Variants in RAB31 observed in about 807,000 individuals in gnomAD.
RAB31 encodes RAB31, member RAS oncogene family, also known as ras-related protein Rab-31.
In RAB31, 21 loss-of-function variants were observed where a neutral mutation model predicts 25.6. The observed-to-expected ratio is 0.82, with a 90% confidence interval of 0.58 to 1.18. The LOEUF (loss-of-function observed/expected upper bound fraction) is 1.18, where lower values mean the gene tolerates loss of function less well. Ranked by LOEUF, RAB31 falls within the 50% of genes most tolerant of loss-of-function variation. The pLI is 0.00. For synonymous variants in RAB31, 87 were observed against 84.0 expected (o/e 1.04, Z -0.20); for missense variants, 196 against 250.1 (o/e 0.78, Z 1.46).
chr18:9,775,600 C>T (rs145851342), intron 2 of RAB31, among the ~76,000 whole-genome samples: 17 of 151,862 alleles, frequency 1.1e-4, no homozygotes, highest in Non-Finnish European at 1.8e-4. Flanking sequence ...AAGGTCATTT[C>T]CTTGATCTCT....
chr18:9,788,718 C>A (rs1041005257), intron 2 of RAB31, among the ~76,000 whole-genome samples: 1 of 152,216 alleles, frequency 6.6e-6, no homozygotes, highest in Middle Eastern at 3.2e-3. Context: ...GTAATCCCAG[C>A]ACTTTGGGAG....
chr18:9,781,630 C>G (rs1479954637), intron 2 of RAB31, among the ~76,000 whole-genome samples: 1 of 152,210 alleles, frequency 6.6e-6, no homozygotes, highest in Admixed American at 6.5e-5. Flanking sequence ...CTACCTCGTC[C>G]CTTGCTTTTC....
rs372117235 is a variant in RAB31, at chr18:9,854,013, C to T, written c.491-5215C>T. ...TTCCAGGATACATATGCAGAACATG[C>T]GGGTTTGTTACACAGGTATACATAT... On this transcript the variant is annotated intron_variant, in intron 6 of 6. Coordinates refer to ENST00000578921, the MANE Select transcript of RAB31 (RefSeq NM_006868.4). Among the ~76,000 whole-genome samples the T allele has an allele frequency of 1.1e-4, 16 of 141,244 alleles. No individual in the cohort carries two copies. In the East Asian group the frequency reaches 1.5e-3, roughly 13 times the overall value. 92.7% of individuals were successfully genotyped at this position (141,244 alleles called of 152,430 possible).
chr18:9,851,150 G>A (rs2068787488), intron 6 of RAB31, among the ~76,000 whole-genome samples: 1 of 152,126 alleles, frequency 6.6e-6, no homozygotes, highest in Non-Finnish European at 1.5e-5. Context: ...AAGGAACAAG[G>A]AAAGGACAAA....
At chr18:9,836,430 G>A (rs1396148863) in intron 5 of RAB31, among the ~76,000 whole-genome samples, 8 of 152,124 alleles carry the variant, frequency 5.3e-5, no homozygotes, top group Middle Eastern at 3.2e-3. Flanking sequence ...CCTGAGCAGT[G>A]TATATTTTAT....
chr18:9,782,499 C>T (rs1358370896), intron 2 of RAB31, among the ~76,000 whole-genome samples: 1 of 152,230 alleles, frequency 6.6e-6, no homozygotes, highest in African/African-American at 2.4e-5. Context: ...CTCTGCTATT[C>T]AAGCAGATTG....
At chr18:9,854,549 C>T (rs2068805978) in intron 6 of RAB31, among the ~76,000 whole-genome samples, 1 of 152,344 alleles carries the variant, frequency 6.6e-6, no homozygotes, top group African/African-American at 2.4e-5. Flanking sequence ...CTGACCTGGG[C>T]TTTCCAGGCC....
At chr18:9,852,112 A>G (rs2068792172) in intron 6 of RAB31, among the ~76,000 whole-genome samples, 1 of 152,180 alleles carries the variant, frequency 6.6e-6, no homozygotes, top group Non-Finnish European at 1.5e-5. Flanking sequence ...TTTCAAACAT[A>G]TACACAAGTG....
At chr18:9,770,706 C>A (rs1050406406) in intron 1 of RAB31, among the ~76,000 whole-genome samples, 4 of 152,136 alleles carry the variant, frequency 2.6e-5, no homozygotes, top group African/African-American at 9.7e-5. Flanking sequence ...CTAATGTCTC[C>A]CCGGCAGTCA....
intron 2 of RAB31, among the ~76,000 whole-genome samples, chr18:9,784,501 A>G (rs1409528397): frequency 6.6e-6 from 1 of 152,124 alleles, no homozygotes; most frequent in African/African-American, 2.4e-5. Context: ...TATGATCTTC[A>G]GTCATTTTAG....
chr18:9,774,340 T>G (rs2068361055), intron 1 of RAB31, among the ~76,000 whole-genome samples: 1 of 152,040 alleles, frequency 6.6e-6, no homozygotes, highest in Non-Finnish European at 1.5e-5. Flanking sequence ...TCCTGGAGAG[T>G]AAAGCTCTGA....
At chr18:9,778,465 T>C (rs2145492628) in intron 2 of RAB31, among the ~76,000 whole-genome samples, 1 of 152,226 alleles carries the variant, frequency 6.6e-6, no homozygotes, top group South Asian at 2.1e-4. Context: ...CCTATAACTT[T>C]TTGTTTTTTT....
At chr18:9,710,123 T>G (rs1338923831) in intron 1 of RAB31, among the ~76,000 whole-genome samples, 1 of 152,236 alleles carries the variant, frequency 6.6e-6, no homozygotes, top group South Asian at 2.1e-4. Context: ...CAGGTCTCTA[T>G]GTCCTCCTAC....
rs568854659 is a variant in RAB31 at position 9,807,278 on chromosome 18, CCA to C, written c.202-6737_202-6736del. On this transcript the variant is annotated intron_variant, in intron 3 of 6. Coordinates refer to ENST00000578921, the MANE Select transcript of RAB31 (RefSeq NM_006868.4). ...AGGGCTGTGCAGCGAAGATACTGTCCCACACAGTGGGCTCTTGTCTTGAACAT... is the reference window on the plus strand; with the variant it reads ...AGGGCTGTGCAGCGAAGATACTGTCCCACAGTGGGCTCTTGTCTTGAACAT... 5.6e-3 allele frequency among the ~76,000 whole-genome samples: 847 copies of C among 152,308 alleles called. 7 individuals carry two copies. The highest frequency in any genetic ancestry group is 0.02 in the African/African-American group (817 of 41,574).
At chr18:9,775,423 T>C in intron 2 of RAB31, 66 bp downstream of exon 2, 2 of 1,601,826 alleles carry the variant, frequency 1.2e-6, no homozygotes, top group Non-Finnish European at 1.7e-6. Flanking sequence ...GACCACTCTG[T>C]CTGTGCCTGA....
intron 4 of RAB31, 26 bp downstream of exon 4, chr18:9,814,117 G>A: frequency 6.7e-7 from 1 of 1,498,696 alleles, no homozygotes; most frequent in Non-Finnish European, 9.2e-7. Flanking sequence ...TCAGAATTTA[G>A]ATGTCATTTA....
At chr18:9,809,681 GC>G (rs2143067577) in intron 3 of RAB31, among the ~76,000 whole-genome samples, 1 of 152,256 alleles carries the variant, frequency 6.6e-6, no homozygotes, top group East Asian at 1.9e-4. Context: ...ATATGGCTAA[GC>G]CAAAATTTAT....
At chr18:9,759,681 A>G (rs1568171885) in intron 1 of RAB31, among the ~76,000 whole-genome samples, 1 of 152,150 alleles carries the variant, frequency 6.6e-6, no homozygotes, top group Non-Finnish European at 1.5e-5. Context: ...CCGGAGGTCA[A>G]GACAGAGAGA....
rs542724736 is a variant in RAB31 at position 9,796,848 on chromosome 18, T to C, written c.201+4613T>C. On this transcript the variant is annotated intron_variant, in intron 3 of 6. Coordinates refer to ENST00000578921, the MANE Select transcript of RAB31 (RefSeq NM_006868.4). ...GGGTTAAATCAATAATCCTGTCTTT[T>C]ATGAATTCTGCTTTAGAATACATGC... 3.2e-4 allele frequency among the ~76,000 whole-genome samples: 49 copies of C among 152,276 alleles called. 1 individual carries two copies. The South Asian group carries it at 7.9e-3, about 24-fold the overall frequency.
Sources: allele counts gnomAD v4.1 joint callset (sites outside exome capture counted in the v4.1 genomes callset), GRCh38; gene constraint gnomAD v4.1.1; transcripts MANE v1.5; gene names NCBI Gene and HGNC (gene_info 2026-07-23, HGNC 2026-07-21).